Variants in TBC1D9 observed in about 807,000 individuals in gnomAD.
TBC1D9 encodes TBC1 domain family member 9, also known as TBC1 domain family member 9A.
In TBC1D9, 63 loss-of-function variants were observed where a neutral mutation model predicts 132.0. The observed-to-expected ratio is 0.48, with a 90% CI of 0.39 to 0.59. The LOEUF (loss-of-function observed/expected upper bound fraction) is 0.59. Ranked by LOEUF, TBC1D9 falls within the 20% of genes least tolerant of loss-of-function variation. The pLI is 0.00. For missense variants in TBC1D9, 1,261 were observed against 1,592.7 expected (o/e 0.79, Z 3.54); for synonymous variants, 610 against 609.9 (o/e 1.00, Z 0.00).
intron 1 of TBC1D9, among the ~76,000 whole-genome samples, chr4:140,749,041 T>C (rs893091505): frequency 3.9e-5 from 6 of 152,040 alleles, no homozygotes; most frequent in Non-Finnish European, 8.8e-5. Context: ...TTGCAATCTA[T>C]GAGAAAATAT....
chr4:140,736,141 GA>G (rs1402284430), intron 1 of TBC1D9, among the ~76,000 whole-genome samples: 1 of 151,842 alleles, frequency 6.6e-6, no homozygotes, highest in East Asian at 1.9e-4. Flanking sequence ...AGGTTGTCAG[GA>G]AGGAAAATTG....
At chr4:140,626,300 C>T (rs1401803370) in intron 18 of TBC1D9, among the ~76,000 whole-genome samples, 1 of 152,134 alleles carries the variant, frequency 6.6e-6, no homozygotes, top group African/African-American at 2.4e-5. Context: ...CTCCATTCTC[C>T]ACACAAGGAA....
At chr4:140,658,464 C>T (rs1737304922) in intron 11 of TBC1D9, among the ~76,000 whole-genome samples, 1 of 152,144 alleles carries the variant, frequency 6.6e-6, no homozygotes, top group Non-Finnish European at 1.5e-5. Flanking sequence ...AGTCCTTCCT[C>T]AGCCAGAACA....
chr4:140,703,857 G>A (rs1190516315), intron 1 of TBC1D9, among the ~76,000 whole-genome samples: 1 of 152,156 alleles, frequency 6.6e-6, no homozygotes, highest in Non-Finnish European at 1.5e-5. Flanking sequence ...ACACACATAT[G>A]CATTTTTGTT....
intron 1 of TBC1D9, among the ~76,000 whole-genome samples, chr4:140,708,995 C>A (rs1357278367): frequency 6.6e-6 from 1 of 152,036 alleles, no homozygotes; most frequent in South Asian, 2.1e-4. Context: ...ATGGTGGGAG[C>A]AATTTTGTTT....
chr4:140,678,844 G>C, intron 5 of TBC1D9, 98 bp downstream of exon 5: 1 of 1,418,416 alleles, frequency 7.1e-7, no homozygotes. Context: ...AGAGTGTTCA[G>C]AACCCTTGAA....
chr4:140,649,869 G>A lies in TBC1D9; in HGVS notation c.2337+7228C>T, dbSNP rs190431929. Among the ~76,000 whole-genome samples, 33 of 152,266 alleles carry A rather than the reference G, an allele frequency of 2.2e-4. No individual in the cohort carries two copies. In the East Asian group the frequency reaches 5.4e-3, roughly 25 times the overall value. On this transcript the variant is annotated intron_variant, in intron 13 of 20. Coordinates refer to ENST00000442267, the MANE Select transcript of TBC1D9 (RefSeq NM_015130.3). ...TACTCTGATCTCTAAAGAGTCTCAC[G>A]CCATGACTATATTCCCATCAGGGAA...
At chr4:140,677,167 CG>C in intron 5 of TBC1D9, 66 bp from the exon 6 acceptor site, 1 of 1,575,128 alleles carries the variant, frequency 6.3e-7, no homozygotes, top group Non-Finnish European at 8.6e-7. Flanking sequence ...TATGCAGCAG[CG>C]GAAGTTCCCC....
intron 6 of TBC1D9, 34 bp downstream of exon 6, chr4:140,676,860 A>C (rs777307224): frequency 6.2e-7 from 1 of 1,607,398 alleles, no homozygotes; most frequent in South Asian, 1.1e-5. Flanking sequence ...ATTACAAATG[A>C]AACTTAAAAT....
rs142628605 is a variant in TBC1D9 at position 140,694,879 on chromosome 4, C to T, written c.241+6625G>A. On this transcript the variant is annotated intron_variant, in intron 2 of 20. Transcript: ENST00000442267. ...TATATTTTGTAATTTTTGCAATAAA[C>T]ATGTATTGCTTGAAGAAAAAAGGAG... Among the ~76,000 whole-genome samples the T allele has an allele frequency of 3.9e-3, 597 of 151,826 alleles. 10 individuals carry two copies. Among genetic ancestry groups the T allele is most frequent in the Admixed American group, 0.022 (338 of 15,242 alleles).
intron 1 of TBC1D9, among the ~76,000 whole-genome samples, chr4:140,712,582 A>C (rs1228188665): frequency 6.6e-6 from 1 of 151,308 alleles, no homozygotes; most frequent in Admixed American, 6.6e-5. Flanking sequence ...CTCTACTAAA[A>C]ATACAAAAAA....
At chr4:140,709,658 T>TC (rs1411871242) in intron 1 of TBC1D9, among the ~76,000 whole-genome samples, 3 of 152,120 alleles carry the variant, frequency 2.0e-5, no homozygotes, top group African/African-American at 7.2e-5. Flanking sequence ...AAGTCAGCAG[T>TC]CCCCAACCTT....
At chr4:140,646,062 G>C (rs1312522137) in intron 13 of TBC1D9, among the ~76,000 whole-genome samples, 1 of 152,214 alleles carries the variant, frequency 6.6e-6, no homozygotes, top group Non-Finnish European at 1.5e-5. Flanking sequence ...CTCTATGGCA[G>C]AGACTGTGTG....
chr4:140,644,045 G>C, intron 13 of TBC1D9: 2 of 452,520 alleles, frequency 4.4e-6, no homozygotes, highest in Non-Finnish European at 4.2e-6. Context: ...GCTTGTCTTC[G>C]GGCGAGAGTG....
intron 16 of TBC1D9, among the ~76,000 whole-genome samples, chr4:140,631,272 G>A (rs1486198087): frequency 2.0e-5 from 3 of 152,176 alleles, no homozygotes; most frequent in Non-Finnish European, 2.9e-5. Context: ...GCCCAGGCTG[G>A]AGTGCAGTGG....
At chr4:140,631,500 A>G (rs1275257825) in intron 16 of TBC1D9, among the ~76,000 whole-genome samples, 1 of 152,110 alleles carries the variant, frequency 6.6e-6, no homozygotes, top group Non-Finnish European at 1.5e-5. Context: ...TTCTAATTCC[A>G]CAAAGACCAT....
At chr4:140,730,306 T>TG (rs1363129792) in intron 1 of TBC1D9, among the ~76,000 whole-genome samples, 1 of 152,230 alleles carries the variant, frequency 6.6e-6, no homozygotes, top group Non-Finnish European at 1.5e-5. Context: ...AAAGGGAACC[T>TG]GGTCAGGAAA....
At chr4:140,727,173 T>C (rs937019190) in intron 1 of TBC1D9, among the ~76,000 whole-genome samples, 1 of 152,216 alleles carries the variant, frequency 6.6e-6, no homozygotes, top group Non-Finnish European at 1.5e-5. Flanking sequence ...GAGCCTAGTG[T>C]GCAAAACACA....
At chr4:140,752,360 TAA>T (rs5862498) in intron 1 of TBC1D9, among the ~76,000 whole-genome samples, 6 of 149,640 alleles carry the variant, frequency 4.0e-5, no homozygotes, top group Admixed American at 2.7e-4. Context: ...ATTTCTTGCT[TAA>T]AAAAAAAAGC....
Sources: gnomAD v4.1 joint callset for allele counts (sites outside exome capture counted in the v4.1 genomes callset) on GRCh38, gnomAD v4.1.1 for gene constraint, MANE v1.5 for transcripts, NCBI Gene and HGNC (gene_info 2026-07-23, HGNC 2026-07-21) for gene names.